SMIM18: variants seen among roughly 807,000 people sequenced by gnomAD.
SMIM18 encodes the protein small integral membrane protein 18.
Under a neutral mutation model 5.9 loss-of-function variants are expected in SMIM18, and 4 were observed. The observed-to-expected ratio is 0.68, with a 90% CI of 0.33 to 1.56. SMIM18 has a LOEUF of 1.56. Ranked by LOEUF, SMIM18 falls within the 40% of genes most tolerant of loss-of-function variation. The pLI, the probability that SMIM18 is intolerant of heterozygous loss-of-function variation, is 0.06. For missense variants in SMIM18, 89 were observed against 109.7 expected, an observed-to-expected ratio of 0.81 and a Z score of 0.84; for synonymous variants, 37 against 37.4, an observed-to-expected ratio of 0.99 and a Z score of 0.04.
Position 30,645,722 on chromosome 8 carries a change from A to T in SMIM18, c.*125A>T. ...ACTGAATGGTTAAAACATTTCTAGT[A>T]GAAGGGGAAAAAAAAGTTAAACATG... On this transcript the variant is annotated 3_prime_UTR_variant, in exon 3 of 3. Transcript: ENST00000517349. 2.0e-6 allele frequency: 2 copies of T among 1,000,212 alleles called. No homozygotes were observed. Among genetic ancestry groups the T allele is most frequent in the Non-Finnish European group, 2.8e-6 (2 of 704,082 alleles). The allele number at this position is 1,000,212 out of a possible 1,614,324, so 62.0% of individuals were successfully genotyped here. A position where few individuals can be genotyped will look rare whatever the true frequency, so the allele number is the denominator to read the frequency against.
Position 30,645,297 on chromosome 8 carries a change from G to T in SMIM18, c.-13G>T, listed in dbSNP as rs1002309300. ...TTTTTATAGATTCAAAAGAGCAAGT[G>T]GAATCTCTAAGAATGGCTTCCAGCC... On this transcript the variant is annotated 5_prime_UTR_variant, in exon 3 of 3. Transcript: ENST00000517349. The T allele has an allele frequency of 1.2e-4, 176 of 1,528,840 alleles. No individual in the cohort carries two copies. Among genetic ancestry groups the T allele is most frequent in the Non-Finnish European group, 1.5e-4 (167 of 1,144,468 alleles). The allele number at this position is 1,528,840 out of a possible 1,614,324, so 94.7% of individuals were successfully genotyped here. A position where few individuals can be genotyped will look rare whatever the true frequency, so the allele number is the denominator to read the frequency against.
At chr8:30,642,586 C>T (rs1801884809) in intron 1 of SMIM18, among the ~76,000 whole-genome samples, 1 of 152,170 alleles carries the variant, frequency 6.6e-6, no homozygotes, top group Non-Finnish European at 1.5e-5. Context: ...CGATGGATCC[C>T]CATCCACACC....
chr8:30,639,307 G>C (rs1017666658), intron 1 of SMIM18, among the ~76,000 whole-genome samples: 1 of 152,066 alleles, frequency 6.6e-6, no homozygotes, highest in African/African-American at 2.4e-5. Context: ...TTTAATTAAA[G>C]TATTTCTTCA....
chr8:30,645,381 T>G lies in SMIM18; in HGVS notation c.72T>G (p.Ile24Met). ...ACCTTGGTTTTCAAGTTCAAAAAAT[T>G]TACCCTTTCCATGACAACTGGAACA... ...YQYLGFQVQK[I>M]YPFHDNWNTA... The change falls in exon 3 of 3, where the codon ATT (isoleucine) becomes ATG (methionine). Residue 24 changes from isoleucine to methionine, a missense_variant. Coordinates refer to ENST00000517349, the MANE Select transcript of SMIM18 (RefSeq NM_001206847.2). The G allele has an allele frequency of 6.5e-7, 1 of 1,535,730 alleles. No homozygotes were observed. Among genetic ancestry groups the G allele is most frequent in the Non-Finnish European group, 8.7e-7 (1 of 1,146,908 alleles).
chr8:30,642,323 A>G (rs1041461337), intron 1 of SMIM18, among the ~76,000 whole-genome samples: 1 of 151,430 alleles, frequency 6.6e-6, no homozygotes, highest in Non-Finnish European at 1.5e-5. Context: ...AAAGGAATAA[A>G]AGAATGGTTA....
At chr8:30,640,723 G>T (rs905278635) in intron 1 of SMIM18, among the ~76,000 whole-genome samples, 2 of 152,076 alleles carry the variant, frequency 1.3e-5, no homozygotes, top group Admixed American at 1.3e-4. Context: ...TTTTGGCGGG[G>T]GGACGGAGTC....
At chr8:30,640,278 C>T (rs1380210926) in intron 1 of SMIM18, among the ~76,000 whole-genome samples, 1 of 152,150 alleles carries the variant, frequency 6.6e-6, no homozygotes, top group Non-Finnish European at 1.5e-5. Context: ...AAGGCTTTTA[C>T]CATAAATACA....
Position 30,645,489 on chromosome 8 carries a change from C to T in SMIM18, c.180C>T (p.Asp60=). 3 of 1,535,400 alleles carry T rather than the reference C, an allele frequency of 2.0e-6. No individual in the cohort carries two copies. The highest frequency in any genetic ancestry group is 1.2e-5 in the South Asian group (1 of 84,058). The change falls in exon 3 of 3, where the codon GAC becomes GAT. Residue 60 remains aspartate (D), a synonymous_variant. Coordinates refer to ENST00000517349, the MANE Select transcript of SMIM18 (RefSeq NM_001206847.2). The part of the protein sequence containing the change: ...VVLAFLYEVL[D]CCCCVKNKTV... ...TGGCTTTCCTTTATGAAGTGCTTGA[C>T]TGCTGCTGCTGTGTAAAAAACAAAA...
At position 30,645,502 on chromosome 8, in the gene SMIM18, G is replaced by A; in HGVS notation, c.193G>A (p.Val65Ile). 2 of 1,535,644 alleles carry A rather than the reference G, an allele frequency of 1.3e-6. No homozygotes were observed. The highest frequency in any genetic ancestry group is 1.7e-6 in the Non-Finnish European group (2 of 1,146,902). Residue 65 changes from valine (V) to isoleucine (I), a missense_variant, in exon 3 of 3, where the codon GTA becomes ATA. Physicochemically the swap from Val to Ile is conservative, Grantham distance 29 (BLOSUM62 3). Transcript: ENST00000517349. ...LYEVLDCCCCVKNKTVKDLKS... is the reference protein window; with the variant it reads ...LYEVLDCCCCIKNKTVKDLKS... ...TGAAGTGCTTGACTGCTGCTGCTGT[G>A]TAAAAAACAAAACCGTGAAAGACTT... is the stretch of plus-strand genomic sequence containing the variant.
At position 30,645,739 on chromosome 8, in the gene SMIM18, T is replaced by C; in HGVS notation, c.*142T>C. 7.8e-6 allele frequency: 6 copies of C among 765,040 alleles called. No homozygotes were observed. Among genetic ancestry groups the C allele is most frequent in the Non-Finnish European group, 1.2e-5 (6 of 489,014 alleles). The allele number at this position is 765,040 out of a possible 1,614,324, so 47.4% of individuals were successfully genotyped here. ...TTTCTAGTAGAAGGGGAAAAAAAAG[T>C]TAAACATGCACTGTTTGTGTGTATA... On this transcript the variant is annotated 3_prime_UTR_variant, in exon 3 of 3. Coordinates refer to ENST00000517349, the MANE Select transcript of SMIM18 (RefSeq NM_001206847.2).
Position 30,645,560 on chromosome 8 carries a change from T to A in SMIM18, c.251T>A (p.Met84Lys). ...KSEPNPLRSM[M>K]DNIRKRETEV... ...GAACCCAACCCTCTTAGAAGTATGA[T>A]GGACAACATCAGAAAACGTGAAACT... The change falls in exon 3 of 3, where the codon ATG becomes AAG. Residue 84 changes from methionine (M) to lysine (K), a missense_variant. Physicochemically the swap from Met to Lys is moderately conservative, Grantham distance 95. Transcript: ENST00000517349. 1.3e-6 allele frequency: 2 copies of A among 1,535,636 alleles called. No individual in the cohort carries two copies. The highest frequency in any genetic ancestry group is 1.7e-6 in the Non-Finnish European group (2 of 1,146,870).
In SMIM18 at chr8:30,645,808, T is replaced by C. The variant is rs1370672687; in HGVS notation, c.*211T>C. ...CAGTAAAACTTCATGAATGTGAATT[T>C]ACTAATCTGTTTAATACTGACACTT... On this transcript the variant is annotated 3_prime_UTR_variant, in exon 3 of 3. Transcript: ENST00000517349. The C allele has an allele frequency of 7.5e-6, 4 of 534,484 alleles. No individual in the cohort carries two copies. The African/African-American group carries it at 7.6e-5, about 10-fold the overall frequency. 33.1% of individuals were successfully genotyped at this position (534,484 alleles called of 1,614,324 possible).
chr8:30,644,295 C>G (rs1253383660), intron 1 of SMIM18, among the ~76,000 whole-genome samples, 197 bp from the exon 2 acceptor site: 1 of 152,168 alleles, frequency 6.6e-6, no homozygotes, highest in East Asian at 1.9e-4. Flanking sequence ...TAACTGATAC[C>G]TTTGGGAGGG....
intron 1 of SMIM18, among the ~76,000 whole-genome samples, chr8:30,641,205 G>A (rs954561880): frequency 8.6e-5 from 13 of 151,982 alleles, no homozygotes; most frequent in Non-Finnish European, 7.4e-5. Flanking sequence ...TGAGCCGCTC[G>A]GTTATCAATA....
At chr8:30,644,707 G>A (rs1801997147) in intron 2 of SMIM18, 135 bp downstream of exon 2, 1 of 151,992 alleles carries the variant, frequency 6.6e-6, no homozygotes, top group African/African-American at 2.4e-5. Flanking sequence ...AACCAATTCA[G>A]CTGCCTTTTC....
chr8:30,643,518 T>C (rs1357706927), intron 1 of SMIM18: 3 of 152,094 alleles, frequency 2.0e-5, no homozygotes, highest in Non-Finnish European at 4.4e-5. Flanking sequence ...TAGCCAGGTG[T>C]GGTGGCACAT....
rs934523203 is a variant in SMIM18, at chr8:30,645,768, A to T, written c.*171A>T. On this transcript the variant is annotated 3_prime_UTR_variant, in exon 3 of 3. Transcript: ENST00000517349. ...ACATGCACTGTTTGTGTGTATAGCC[A>T]TTTCATTAAATATACAGTAAAACTT... The T allele has an allele frequency of 3.3e-6, 2 of 603,316 alleles. No homozygotes were observed. The highest frequency in any genetic ancestry group is 3.7e-5 in the African/African-American group (2 of 54,154). 37.4% of individuals were successfully genotyped at this position (603,316 alleles called of 1,614,324 possible).
intron 1 of SMIM18, among the ~76,000 whole-genome samples, chr8:30,642,454 T>TTAA (rs1801879875): frequency 6.6e-6 from 1 of 152,210 alleles, no homozygotes. Context: ...TATTTCTCTT[T>TTAA]TTAAAATAGA....
At chr8:30,644,739 T>C (rs1801998633) in intron 2 of SMIM18, among the ~76,000 whole-genome samples, 167 bp downstream of exon 2, 2 of 137,494 alleles carry the variant, frequency 1.5e-5, no homozygotes, top group Admixed American at 1.7e-4. Flanking sequence ...GCAGTTAATT[T>C]CGGTATATGA....
Sources: gnomAD v4.1 joint callset for allele counts (sites outside exome capture counted in the v4.1 genomes callset) on GRCh38, gnomAD v4.1.1 for gene constraint, MANE v1.5 for transcripts, NCBI Gene and HGNC (gene_info 2026-07-23, HGNC 2026-07-21) for gene names.